MRPL13: variants seen among roughly 807,000 people sequenced by gnomAD.
MRPL13 encodes mitochondrial ribosomal protein L13.
MRPL13 carries 33 observed loss-of-function variants against 29.0 expected under a neutral mutation model. That is an observed-to-expected ratio of 1.14 (90% confidence interval 0.86 to 1.52). The LOEUF is 1.52. MRPL13 is among the 40% of genes most tolerant of loss of function. The pLI is 0.00. For missense variants in MRPL13, 227 were observed against 216.7 expected, an observed-to-expected ratio of 1.05 and a Z score of -0.30; for synonymous variants, 77 against 68.4, an observed-to-expected ratio of 1.13 and a Z score of -0.62.
At chr8:120,405,526 G>A (rs1812656486) in intron 6 of MRPL13, among the ~76,000 whole-genome samples, 1 of 152,154 alleles carries the variant, frequency 6.6e-6, no homozygotes, top group Non-Finnish European at 1.5e-5. Flanking sequence ...ATTAGCATGG[G>A]TTCCCCTTAG....
Position 120,414,021 on chromosome 8 carries a change from T to C in MRPL13, c.485A>G (p.Glu162Gly). 1 of 1,570,926 alleles carries C rather than the reference T, an allele frequency of 6.4e-7. No individual in the cohort carries two copies. Among genetic ancestry groups the C allele is most frequent in the Non-Finnish European group, 8.6e-7 (1 of 1,163,450 alleles). Reference sequence around the variant, plus strand: ...CCACAATCTTGGGAAGGCGTCTATTTCTTCTTGTGTGTACTCATCTAGACG... The same window carrying C: ...CCACAATCTTGGGAAGGCGTCTATTCCTTCTTGTGTGTACTCATCTAGACG... ...PKRLDEYTQE[E>G]IDAFPRLWTP... Residue 162 changes from glutamate to glycine, a missense_variant, in exon 6 of 7, where the codon GAA becomes GGA. Glu to Gly is a moderately conservative substitution (Grantham distance 98). Transcript: ENST00000306185.
chr8:120,396,242 A>G (rs567244536), intron 6 of MRPL13, 117 bp from the exon 7 acceptor site: 6 of 744,208 alleles, frequency 8.1e-6, no homozygotes, highest in African/African-American at 3.6e-5. Flanking sequence ...AATAGCTACA[A>G]ACACTATATC....
At chr8:120,426,724 T>C (rs1274773509) in intron 3 of MRPL13, among the ~76,000 whole-genome samples, 1 of 152,178 alleles carries the variant, frequency 6.6e-6, no homozygotes, top group Admixed American at 6.5e-5. Context: ...TCCTCCAATA[T>C]GGGATGGAGT....
chr8:120,398,167 C>T (rs1455750728), intron 6 of MRPL13, among the ~76,000 whole-genome samples: 1 of 152,180 alleles, frequency 6.6e-6, no homozygotes, highest in Non-Finnish European at 1.5e-5. Flanking sequence ...AAGCAGGTCC[C>T]TGATCCTGTC....
In MRPL13 at chr8:120,431,741, T is replaced by C. The variant is rs77123221; in HGVS notation, c.245+289A>G. Among the ~76,000 whole-genome samples the C allele has an allele frequency of 8.7e-3, 1,331 of 152,140 alleles. 26 individuals carry two copies. Among genetic ancestry groups the C allele is most frequent in the African/African-American group, 0.03 (1,262 of 41,548 alleles). The stretch of plus-strand genomic sequence containing the variant: ...GTTCTGAAAACAGCAGTAAGATGAA[T>C]TACAGGAAGCAGAAATACAAAGTAA... On this transcript the variant is annotated intron_variant, in intron 3 of 6. Transcript: ENST00000306185.
At chr8:120,407,355 C>T (rs1812681930) in intron 6 of MRPL13, among the ~76,000 whole-genome samples, 1 of 152,100 alleles carries the variant, frequency 6.6e-6, no homozygotes, top group Admixed American at 6.6e-5. Flanking sequence ...GTTTATGCTA[C>T]ATTAAGATAA....
At position 120,417,260 on chromosome 8, in the gene MRPL13, C is replaced by T. The variant is rs371079182; in HGVS notation, c.393+2592G>A. Among the ~76,000 whole-genome samples, 194 of 152,276 alleles carry T rather than the reference C, an allele frequency of 1.3e-3. 1 individual carries two copies. The highest frequency in any genetic ancestry group is 4.3e-3 in the African/African-American group (180 of 41,566). On this transcript the variant is annotated intron_variant, in intron 5 of 6. Coordinates refer to ENST00000306185, the MANE Select transcript of MRPL13 (RefSeq NM_014078.6). ...GACCAAAGATTTGATCTCATGGTTA[C>T]GGTGGTGTCCACCAGATTTTATTAA...
At chr8:120,405,788 T>C (rs1355504363) in intron 6 of MRPL13, among the ~76,000 whole-genome samples, 6 of 152,236 alleles carry the variant, frequency 3.9e-5, no homozygotes. Flanking sequence ...AATTCTCAGA[T>C]TATGTTGCTT....
intron 2 of MRPL13, among the ~76,000 whole-genome samples, chr8:120,437,710 AAAAG>A (rs1813071325): frequency 6.6e-6 from 1 of 152,174 alleles, no homozygotes; most frequent in African/African-American, 2.4e-5. Context: ...CCTTATAATG[AAAAG>A]TCGGTTTCCA....
intron 6 of MRPL13, among the ~76,000 whole-genome samples, chr8:120,403,104 T>C (rs1171958426): frequency 6.6e-6 from 1 of 152,118 alleles, no homozygotes; most frequent in Non-Finnish European, 1.5e-5. Flanking sequence ...TCCTCAAAGA[T>C]CTAGAGGTAG....
intron 1 of MRPL13, among the ~76,000 whole-genome samples, 195 bp from the exon 2 acceptor site, chr8:120,443,503 C>T (rs1437105263): frequency 1.3e-5 from 2 of 151,856 alleles, no homozygotes; most frequent in Non-Finnish European, 2.9e-5. Context: ...GTTGTTTTTT[C>T]TAATCATTCT....
chr8:120,429,369 G>A (rs947138319), intron 3 of MRPL13, among the ~76,000 whole-genome samples: 1 of 151,980 alleles, frequency 6.6e-6, no homozygotes, highest in African/African-American at 2.4e-5. Context: ...TGGGAGTAGA[G>A]AGAGGAAAAT....
intron 6 of MRPL13, among the ~76,000 whole-genome samples, chr8:120,406,162 T>C (rs1320232631): frequency 1.3e-5 from 2 of 152,212 alleles, no homozygotes; most frequent in Non-Finnish European, 2.9e-5. Context: ...GTCAATTTTT[T>C]TCATATAAAT....
intron 6 of MRPL13, among the ~76,000 whole-genome samples, chr8:120,411,064 C>G (rs546564492): frequency 1.3e-5 from 2 of 151,830 alleles, no homozygotes; most frequent in South Asian, 4.2e-4. Context: ...CTCCCACTCC[C>G]TCTCCCTCCC....
intron 6 of MRPL13, among the ~76,000 whole-genome samples, chr8:120,409,340 A>G (rs1416582863): frequency 1.3e-5 from 2 of 152,230 alleles, no homozygotes; most frequent in Admixed American, 6.5e-5. Context: ...AAACTTGAAA[A>G]TAAAGTTTAA....
intron 2 of MRPL13, among the ~76,000 whole-genome samples, chr8:120,433,248 C>T (rs1813016584): frequency 6.6e-6 from 1 of 152,058 alleles, no homozygotes; most frequent in South Asian, 2.1e-4. Context: ...GGCAGTTGGG[C>T]GAATGCAGCA....
At chr8:120,423,358 A>G (rs954895043) in intron 4 of MRPL13, among the ~76,000 whole-genome samples, 2 of 152,070 alleles carry the variant, frequency 1.3e-5, no homozygotes, top group African/African-American at 4.8e-5. Context: ...AAAGAGACCC[A>G]ATATTAGAAG....
At chr8:120,444,006 G>C (rs1813165937) in intron 1 of MRPL13, among the ~76,000 whole-genome samples, 1 of 152,016 alleles carries the variant, frequency 6.6e-6, no homozygotes, top group South Asian at 2.1e-4. Context: ...ATATACACAA[G>C]AGGCTAAACA....
At chr8:120,437,301 T>A (rs924707584) in intron 2 of MRPL13, among the ~76,000 whole-genome samples, 2 of 152,214 alleles carry the variant, frequency 1.3e-5, no homozygotes, top group African/African-American at 4.8e-5. Flanking sequence ...AAATCTGATC[T>A]CTGTTGAATT....
Sources: gnomAD v4.1 joint callset for allele counts (sites outside exome capture counted in the v4.1 genomes callset) on GRCh38, gnomAD v4.1.1 for gene constraint, MANE v1.5 for transcripts, NCBI Gene and HGNC (gene_info 2026-07-23, HGNC 2026-07-21) for gene names.